TAFA4: variants seen among roughly 807,000 people sequenced by gnomAD.
TAFA4 encodes TAFA chemokine like family member 4.
TAFA4 carries 20 observed loss-of-function variants against 21.1 expected under a neutral mutation model. The observed-to-expected ratio is 0.95, with a 90% CI of 0.67 to 1.38. TAFA4 has a LOEUF of 1.38. TAFA4 is among the 40% of genes most tolerant of loss of function. TAFA4 has a pLI of 0.00. For synonymous variants in TAFA4, 71 were observed against 67.4 expected (o/e 1.05, Z -0.26); for missense variants, 211 against 180.9 (o/e 1.17, Z -0.95).
chr3:68,814,345 G>T (rs546716935), intron 3 of TAFA4, among the ~76,000 whole-genome samples: 1 of 152,014 alleles, frequency 6.6e-6, no homozygotes, highest in Non-Finnish European at 1.5e-5. Context: ...GGAAATAAAG[G>T]GTATTCAATT....
At chr3:68,811,970 G>C (rs1439502534) in intron 3 of TAFA4, among the ~76,000 whole-genome samples, 2 of 152,094 alleles carry the variant, frequency 1.3e-5, no homozygotes, top group African/African-American at 4.8e-5. Context: ...ACTAACAGCG[G>C]ATCTCTCAGC....
In TAFA4 at chr3:68,752,912, G is replaced by A; in HGVS notation, c.237C>T (p.Phe79=). The A allele has an allele frequency of 6.2e-7, 1 of 1,614,086 alleles. No individual in the cohort carries two copies. The highest frequency in any genetic ancestry group is 8.5e-7 in the Non-Finnish European group (1 of 1,180,020). Residue 79 remains phenylalanine (F), a synonymous_variant, in exon 4 of 6, where the codon TTC becomes TTT. Transcript: ENST00000295569. ...ERSQTVKCSC[F]PGQVAGTTRA... is the part of the protein sequence containing the mutation. Reference sequence around the variant, plus strand: ...GAGTTGTGCCCGCCACCTGTCCCGGGAAGCAAGAGCACTTGACCGTTTGTG... The same window carrying A: ...GAGTTGTGCCCGCCACCTGTCCCGGAAAGCAAGAGCACTTGACCGTTTGTG...
At chr3:68,738,935 G>C in intron 5 of TAFA4, 140 bp downstream of exon 5, 2 of 1,204,424 alleles carry the variant, frequency 1.7e-6, no homozygotes, top group Non-Finnish European at 2.3e-6. Context: ...TTTTCAAAAA[G>C]GCCAAATCCG....
intron 1 of TAFA4, among the ~76,000 whole-genome samples, chr3:68,889,049 C>G (rs1445831923): frequency 6.6e-6 from 1 of 152,206 alleles, no homozygotes; most frequent in Non-Finnish European, 1.5e-5. Flanking sequence ...CCAACTATAA[C>G]ACAGTCCTTT....
chr3:68,917,452 A>G (rs1449812057), intron 1 of TAFA4, among the ~76,000 whole-genome samples: 1 of 152,096 alleles, frequency 6.6e-6, no homozygotes, highest in African/African-American at 2.4e-5. Context: ...AGTGTGGAAC[A>G]GACTGAAAGT....
Position 68,733,168 on chromosome 3 carries a change from A to G in TAFA4, c.412-15T>C. 1 of 1,612,926 alleles carries G rather than the reference A, an allele frequency of 6.2e-7. No individual in the cohort carries two copies. The highest frequency in any genetic ancestry group is 8.5e-7 in the Non-Finnish European group (1 of 1,179,268). On this transcript the variant is annotated splice_polypyrimidine_tract_variant and intron_variant, in intron 5 of 5. Coordinates refer to ENST00000295569, the MANE Select transcript of TAFA4 (RefSeq NM_182522.5). ...TACCGCGTTACCTAAAACAAATCAA[A>G]ATAAGGGAACATTCAACACTCTATA...
chr3:68,800,776 C>A (rs542938848), intron 3 of TAFA4, among the ~76,000 whole-genome samples: 56 of 152,330 alleles, frequency 3.7e-4, no homozygotes, highest in Middle Eastern at 3.4e-3. Context: ...AAGTCAAGTT[C>A]TTCTACGTGT....
chr3:68,851,304 A>G (rs922714721), intron 3 of TAFA4, among the ~76,000 whole-genome samples: 3 of 152,112 alleles, frequency 2.0e-5, no homozygotes, highest in Non-Finnish European at 4.4e-5. Context: ...TTACATGGAC[A>G]TAGGGAGGGG....
chr3:68,787,043 A>C (rs1703274587), intron 3 of TAFA4, among the ~76,000 whole-genome samples: 1 of 152,208 alleles, frequency 6.6e-6, no homozygotes, highest in African/African-American at 2.4e-5. Context: ...ATCCTATATA[A>C]CATTTTTAGG....
intron 1 of TAFA4, among the ~76,000 whole-genome samples, chr3:68,900,082 A>AC (rs1491264115): frequency 2.5e-4 from 2 of 8,146 alleles, no homozygotes; most frequent in Non-Finnish European, 4.9e-4. Context: ...CTACACACAC[A>AC]AAAAAAAAAA....
intron 1 of TAFA4, among the ~76,000 whole-genome samples, chr3:68,927,376 A>G (rs561594726): frequency 6.6e-4 from 100 of 152,368 alleles, no homozygotes; most frequent in Admixed American, 3.0e-3. Context: ...TGTGAAACTA[A>G]AAGAATCCAA....
At chr3:68,829,753 A>C (rs1704335406) in intron 3 of TAFA4, among the ~76,000 whole-genome samples, 1 of 152,186 alleles carries the variant, frequency 6.6e-6, no homozygotes. Flanking sequence ...AAATAGTTTC[A>C]CAAGGAATGG....
intron 1 of TAFA4, among the ~76,000 whole-genome samples, chr3:68,912,636 G>A (rs1446401182): frequency 6.6e-6 from 1 of 152,122 alleles, no homozygotes; most frequent in East Asian, 1.9e-4. Context: ...AATTAATAAC[G>A]GGCTTAGCTG....
At chr3:68,763,895 T>A (rs962192370) in intron 3 of TAFA4, among the ~76,000 whole-genome samples, 2 of 73,528 alleles carry the variant, frequency 2.7e-5, no homozygotes, top group Admixed American at 1.2e-4. Flanking sequence ...CACACACACA[T>A]AAGTATGCAT....
chr3:68,811,212 A>T (rs1191200459), intron 3 of TAFA4, among the ~76,000 whole-genome samples: 1 of 152,214 alleles, frequency 6.6e-6, no homozygotes, highest in African/African-American at 2.4e-5. Flanking sequence ...ATAATACCAC[A>T]AAGATGGGGA....
chr3:68,824,665 A>G (rs1704187369), intron 3 of TAFA4, among the ~76,000 whole-genome samples: 3 of 152,174 alleles, frequency 2.0e-5, no homozygotes. Flanking sequence ...TCTGCCTACC[A>G]CACACTAAAT....
chr3:68,920,287 T>C (rs1208995215), intron 1 of TAFA4, among the ~76,000 whole-genome samples: 1 of 152,092 alleles, frequency 6.6e-6, no homozygotes, highest in East Asian at 1.9e-4. Flanking sequence ...AGTGAAAAAA[T>C]TCACACACAA....
At chr3:68,863,770 C>A (rs1165844526) in intron 3 of TAFA4, among the ~76,000 whole-genome samples, 1 of 152,088 alleles carries the variant, frequency 6.6e-6, no homozygotes, top group East Asian at 1.9e-4. Flanking sequence ...TTTTAATTCA[C>A]TAATTCAAAC....
chr3:68,747,260 T>C (rs928289771), intron 4 of TAFA4, among the ~76,000 whole-genome samples: 10 of 152,036 alleles, frequency 6.6e-5, no homozygotes, highest in Non-Finnish European at 1.3e-4. Flanking sequence ...TCTCTCTCTC[T>C]CAAACACACA....
Sources: allele counts gnomAD v4.1 joint callset (sites outside exome capture counted in the v4.1 genomes callset), GRCh38; gene constraint gnomAD v4.1.1; transcripts MANE v1.5; gene names NCBI Gene and HGNC (gene_info 2026-07-23, HGNC 2026-07-21).